Variants in SAE1 observed in about 807,000 individuals in gnomAD.
SAE1 encodes the protein SUMO-activating enzyme subunit 1.
A neutral mutation model predicts 40.6 loss-of-function variants in SAE1; 11 were observed. That is an observed-to-expected ratio of 0.27 (90% confidence interval 0.17 to 0.45). SAE1 has a LOEUF of 0.45. Among genes scored for constraint, SAE1 ranks in the 20% least tolerant of loss-of-function variants. The pLI is 1.00. For missense variants in SAE1, 373 were observed against 427.3 expected, an observed-to-expected ratio of 0.87 and a Z score of 1.12; for synonymous variants, 155 against 154.3, an observed-to-expected ratio of 1.00 and a Z score of -0.03.
intron 5 of SAE1, among the ~76,000 whole-genome samples, chr19:47,167,482 T>C (rs953747679): frequency 2.7e-5 from 4 of 149,592 alleles, no homozygotes; most frequent in Non-Finnish European, 5.9e-5. Context: ...CCTTGTGATC[T>C]GCCCGCCTTG....
chr19:47,133,460 C>T (rs527394464), intron 1 of SAE1, among the ~76,000 whole-genome samples: 3 of 152,290 alleles, frequency 2.0e-5, no homozygotes, highest in African/African-American at 4.8e-5. Context: ...CTCCTGACCT[C>T]GTGATCCGCC....
chr19:47,139,608 G>A (rs1275207276), intron 1 of SAE1, among the ~76,000 whole-genome samples: 2 of 120,712 alleles, frequency 1.7e-5, no homozygotes, highest in African/African-American at 3.1e-5. Flanking sequence ...TTTTTTTTGA[G>A]ACAGAGTCTC....
intron 1 of SAE1, among the ~76,000 whole-genome samples, chr19:47,132,283 C>G (rs1441078514): frequency 2.7e-5 from 4 of 145,694 alleles, no homozygotes; most frequent in Admixed American, 1.4e-4. Flanking sequence ...TTTTTTCTTT[C>G]TCTGTGGCCC....
intron 5 of SAE1, among the ~76,000 whole-genome samples, chr19:47,160,991 A>G (rs1165434501): frequency 6.6e-6 from 1 of 151,934 alleles, no homozygotes; most frequent in Non-Finnish European, 1.5e-5. Flanking sequence ...CTCTGTATAT[A>G]TATTTAATTT....
intron 8 of SAE1, among the ~76,000 whole-genome samples, chr19:47,207,662 C>G (rs555364945): frequency 1.3e-5 from 2 of 152,142 alleles, no homozygotes; most frequent in Non-Finnish European, 2.9e-5. Context: ...CCCTCTCTCT[C>G]GCTCTCTGTT....
At chr19:47,131,588 G>T (rs921815346) in intron 1 of SAE1, among the ~76,000 whole-genome samples, 1 of 152,092 alleles carries the variant, frequency 6.6e-6, no homozygotes, top group Non-Finnish European at 1.5e-5. Flanking sequence ...GGAGAGGCTG[G>T]AGGGGGACGG....
intron 6 of SAE1, among the ~76,000 whole-genome samples, chr19:47,173,949 T>A (rs1438329400): frequency 2.6e-5 from 4 of 151,974 alleles, no homozygotes; most frequent in African/African-American, 9.7e-5. Context: ...TATGCCTGGC[T>A]AATTTTTTGT....
At chr19:47,206,155 C>T (rs1327317515) in intron 8 of SAE1, among the ~76,000 whole-genome samples, 1 of 152,234 alleles carries the variant, frequency 6.6e-6, no homozygotes, top group Non-Finnish European at 1.5e-5. Flanking sequence ...CTGCTGGAGA[C>T]AGCTGGTGCC....
At chr19:47,189,614 G>A (rs1253923040) in intron 6 of SAE1, among the ~76,000 whole-genome samples, 1 of 152,034 alleles carries the variant, frequency 6.6e-6, no homozygotes, top group Non-Finnish European at 1.5e-5. Context: ...AGGAGTCTAC[G>A]TTCAGCTGCA....
intron 6 of SAE1, among the ~76,000 whole-genome samples, chr19:47,188,283 C>A (rs1416885221): frequency 6.6e-6 from 1 of 151,762 alleles, no homozygotes; most frequent in Non-Finnish European, 1.5e-5. Flanking sequence ...TTCAGGAGGT[C>A]CAGGCAGCAA....
At chr19:47,190,619 G>A (rs1444503683) in intron 6 of SAE1, among the ~76,000 whole-genome samples, 1 of 152,218 alleles carries the variant, frequency 6.6e-6, no homozygotes, top group African/African-American at 2.4e-5. Context: ...TGGTCAGCGA[G>A]GTATGTGGAT....
intron 4 of SAE1, among the ~76,000 whole-genome samples, chr19:47,154,509 T>TTTTTTTTTTTTG (rs1170158203): frequency 1.6e-5 from 2 of 126,534 alleles, no homozygotes; most frequent in African/African-American, 5.9e-5. Flanking sequence ...TTTTTTTTTT[T>TTTTTTTTTTTTG]TCTGAGACAG....
intron 6 of SAE1, 44 bp downstream of exon 6, chr19:47,169,967 C>T: frequency 7.0e-7 from 1 of 1,430,206 alleles, no homozygotes; most frequent in South Asian, 1.1e-5. Context: ...GCTTTTGGCT[C>T]TGATTTCTGC....
intron 1 of SAE1, among the ~76,000 whole-genome samples, chr19:47,139,968 C>T (rs550881445): frequency 1.4e-4 from 20 of 139,330 alleles, no homozygotes; most frequent in East Asian, 4.3e-4. Context: ...GACGGAGTCT[C>T]GCTCTTTCGT....
At chr19:47,157,927 T>C (rs900504025) in intron 5 of SAE1, among the ~76,000 whole-genome samples, 1 of 152,182 alleles carries the variant, frequency 6.6e-6, no homozygotes, top group African/African-American at 2.4e-5. Context: ...GTTTTGGCCA[T>C]GGCTTTGTCA....
At chr19:47,183,041 G>A (rs915149399) in intron 6 of SAE1, among the ~76,000 whole-genome samples, 3 of 151,970 alleles carry the variant, frequency 2.0e-5, no homozygotes, top group South Asian at 2.1e-4. Flanking sequence ...TCTGCCTCCC[G>A]AGTAGCTGGG....
intron 6 of SAE1, among the ~76,000 whole-genome samples, chr19:47,182,496 T>TGTGTGTGTGTGTGTGTGCGCGCGC (rs143321323): frequency 4.1e-5 from 6 of 146,044 alleles, no homozygotes; most frequent in Middle Eastern, 6.9e-3. Context: ...TGTGTGTGTG[T>TGTGTGTGTGTGTGTGTGCGCGCGC]GCGCGCACGC....
intron 6 of SAE1, among the ~76,000 whole-genome samples, chr19:47,195,834 A>C (rs1600211504): frequency 1.4e-5 from 2 of 143,280 alleles, no homozygotes; most frequent in African/African-American, 2.6e-5. Context: ...TTCTGGGCTC[A>C]AGTGATCTTC....
intron 6 of SAE1, among the ~76,000 whole-genome samples, chr19:47,174,340 A>G (rs963308729): frequency 2.0e-5 from 3 of 150,574 alleles, no homozygotes; most frequent in Admixed American, 6.6e-5. Flanking sequence ...ACATAACATA[A>G]AATTTACCAT....
Sources: gnomAD v4.1 joint callset for allele counts (sites outside exome capture counted in the v4.1 genomes callset) on GRCh38, gnomAD v4.1.1 for gene constraint, MANE v1.5 for transcripts, NCBI Gene and HGNC (gene_info 2026-07-23, HGNC 2026-07-21) for gene names.